SPATA31H1: variants seen among roughly 807,000 people sequenced by gnomAD.
SPATA31H1 encodes the protein SPATA31 subfamily H member 1, also known as spermatogenesis-associated protein 31H1.
chr2:27,575,855 G>A, the SPATA31H1 span: 1 of 398,214 alleles, frequency 2.5e-6, no homozygotes. The surrounding 1 kb of genome is among the most constrained non-coding windows in gnomAD (Gnocchi z 4.1). Context: ...GCAACCCAGG[G>A]CCGTATTTAC....
chr2:27,582,622 C>G, the SPATA31H1 span: 1 of 1,277,568 alleles, frequency 7.8e-7, no homozygotes, highest in Non-Finnish European at 1.1e-6. Context: ...CCAATTCCTG[C>G]GCCCCCAGCG....
chr2:27,560,018 C>T, the SPATA31H1 span, among the ~76,000 whole-genome samples: 1 of 152,134 alleles, frequency 6.6e-6, no homozygotes, highest in South Asian at 2.1e-4. Context: ...CAGGCGCGCA[C>T]CACCATGCCT....
At chr2:27,559,826 C>T in the SPATA31H1 span, among the ~76,000 whole-genome samples, 4 of 151,930 alleles carry the variant, frequency 2.6e-5, no homozygotes, top group African/African-American at 9.7e-5. Flanking sequence ...TTATGGGTTT[C>T]TGTTTCTTAC....
chr2:27,549,186 T>C, the SPATA31H1 span, among the ~76,000 whole-genome samples: 1 of 151,934 alleles, frequency 6.6e-6, no homozygotes, highest in Non-Finnish European at 1.5e-5. Flanking sequence ...TTATGTCCTG[T>C]ATGTTTTGTA....
At chr2:27,545,749 G>A in the SPATA31H1 span, among the ~76,000 whole-genome samples, 1 of 151,506 alleles carries the variant, frequency 6.6e-6, no homozygotes, top group Non-Finnish European at 1.5e-5. Context: ...TGCTTTTTTA[G>A]GTGGGGTTTC....
At chr2:27,544,665 G>C in the SPATA31H1 span, among the ~76,000 whole-genome samples, 1 of 151,264 alleles carries the variant, frequency 6.6e-6, no homozygotes, top group Non-Finnish European at 1.5e-5. Context: ...CTACCAAGTA[G>C]CTGGGATTAC....
At chr2:27,571,388 G>C in the SPATA31H1 span, 2 of 398,244 alleles carry the variant, frequency 5.0e-6, no homozygotes, top group Admixed American at 8.8e-5. Flanking sequence ...AATCTGTGGC[G>C]ATAACCTTAG....
the SPATA31H1 span, chr2:27,578,640 A>T: frequency 6.2e-7 from 1 of 1,614,202 alleles, no homozygotes; most frequent in Non-Finnish European, 8.5e-7. Flanking sequence ...ATCTACAGTG[A>T]TAAAAACAGA....
chr2:27,559,719 A>G, the SPATA31H1 span, among the ~76,000 whole-genome samples: 2 of 151,998 alleles, frequency 1.3e-5, no homozygotes, highest in African/African-American at 2.4e-5. Context: ...GAAATGTTTT[A>G]TCAATGCTAG....
At chr2:27,573,898 C>G in the SPATA31H1 span, 13 of 398,348 alleles carry the variant, frequency 3.3e-5, no homozygotes, top group Non-Finnish European at 5.8e-5. Context: ...TCTGAATTGG[C>G]TCATCAGACA....
chr2:27,548,412 A>G, the SPATA31H1 span, among the ~76,000 whole-genome samples: 940 of 151,750 alleles, frequency 6.2e-3, 21 homozygotes, highest in African/African-American at 0.022. Context: ...GTTGGAGATC[A>G]GCCTGGGCAA....
the SPATA31H1 span, chr2:27,575,336 A>G: frequency 2.5e-6 from 1 of 398,440 alleles, no homozygotes; most frequent in African/African-American, 2.1e-5. This position sits in a 1 kb window ranked among gnomAD's most constrained non-coding sequence, Gnocchi z 4.1. Context: ...AAAGTGTAAA[A>G]TTTATGGTGT....
the SPATA31H1 span, among the ~76,000 whole-genome samples, chr2:27,552,689 T>C: frequency 2.6e-5 from 4 of 152,060 alleles, no homozygotes; most frequent in African/African-American, 7.3e-5. Context: ...ATTGCCATTT[T>C]AATAATATTA....
the SPATA31H1 span, chr2:27,565,893 G>A: frequency 1.9e-5 from 12 of 640,640 alleles, no homozygotes; most frequent in Admixed American, 3.0e-4. Context: ...ATCTTGAGAT[G>A]GGTTAAGTCT....
chr2:27,582,453 CAAACA>C, the SPATA31H1 span: 1 of 1,614,128 alleles, frequency 6.2e-7, no homozygotes, highest in Non-Finnish European at 8.5e-7. Context: ...TTTCAAGAAT[CAAACA>C]ACTCTCCTCG....
chr2:27,574,485 A>C, the SPATA31H1 span: 2 of 398,390 alleles, frequency 5.0e-6, no homozygotes, highest in Admixed American at 8.8e-5. Context: ...TGATCTGATC[A>C]TGGGTATAAA....
the SPATA31H1 span, chr2:27,570,728 A>G: frequency 2.5e-6 from 1 of 398,930 alleles, no homozygotes. Context: ...CACCTGTGAC[A>G]ATGGCTCCAG....
chr2:27,580,893 C>T, the SPATA31H1 span: 1 of 1,614,164 alleles, frequency 6.2e-7, no homozygotes, highest in Non-Finnish European at 8.5e-7. Flanking sequence ...AGCTCAACAG[C>T]CAAGAAGAGC....
the SPATA31H1 span, among the ~76,000 whole-genome samples, chr2:27,549,072 CAAAAAAA>C: frequency 5.6e-5 from 3 of 53,306 alleles, no homozygotes; most frequent in African/African-American, 1.8e-4. Context: ...GACTCCGTCT[CAAAAAAA>C]AAAAAAAAAA....
Sources: allele counts gnomAD v4.1 joint callset (sites outside exome capture counted in the v4.1 genomes callset), GRCh38; gene constraint gnomAD v4.1.1; non-coding constraint Gnocchi (gnomAD v3.1); transcripts MANE v1.5; gene names NCBI Gene and HGNC (gene_info 2026-07-23, HGNC 2026-07-21).